PACSIN2: variants seen among roughly 807,000 people sequenced by gnomAD.
PACSIN2 encodes the protein protein kinase C and casein kinase substrate in neurons 2, also known as protein kinase C and casein kinase substrate in neurons protein 2.
In PACSIN2, 25 loss-of-function variants were observed where a neutral mutation model predicts 63.8. The ratio of observed to expected loss-of-function variants is 0.39; its 90% CI spans 0.29 to 0.55. The LOEUF is 0.55. Among genes scored for constraint, PACSIN2 ranks in the 20% least tolerant of loss-of-function variants. PACSIN2 has a pLI of 0.62. For synonymous variants in PACSIN2, 255 were observed against 256.2 expected, an observed-to-expected ratio of 1.00 and a Z score of 0.05; for missense variants, 518 against 646.9, an observed-to-expected ratio of 0.80 and a Z score of 2.16.
At position 42,949,440 on chromosome 22, in the gene PACSIN2, T is replaced by C. The variant is rs1023340002; in HGVS notation, c.-77-37283A>G. Reference sequence around the variant, plus strand: ...AACACAAAACAAAGACCTTCAACGTTAAGCCTCATACACACACGCGCGCGC... The same window carrying C: ...AACACAAAACAAAGACCTTCAACGTCAAGCCTCATACACACACGCGCGCGC... On this transcript the variant is annotated intron_variant, in intron 1 of 10. Transcript: ENST00000263246. Among the ~76,000 whole-genome samples, 5 of 150,980 alleles carry C rather than the reference T, an allele frequency of 3.3e-5. No homozygotes were observed. The South Asian group carries it at 1.0e-3, about 31-fold the overall frequency.
At position 42,871,297 on chromosome 22, in the gene PACSIN2, G is replaced by T; in HGVS notation, c.*60C>A. The T allele has an allele frequency of 3.0e-6, 3 of 1,009,476 alleles. No homozygotes were observed. The highest frequency in any genetic ancestry group is 4.8e-6 in the Non-Finnish European group (3 of 631,246). 62.5% of individuals were successfully genotyped at this position (1,009,476 alleles called of 1,614,324 possible). A position where few individuals can be genotyped will look rare whatever the true frequency, so the allele number is the denominator to read the frequency against. On this transcript the variant is annotated 3_prime_UTR_variant, in exon 11 of 11. Coordinates refer to ENST00000263246, the MANE Select transcript of PACSIN2 (RefSeq NM_001184970.3). The surrounding 1 kb of genome is among the most constrained non-coding windows in gnomAD (Gnocchi z 5.4). ...CAGGAAAAGGAGTGGATGCCCACGT[G>T]GCTGGCTGAGGCTCCTGGGCCCGCC... is the stretch of plus-strand genomic sequence containing the variant.
intron 1 of PACSIN2, among the ~76,000 whole-genome samples, chr22:42,941,933 C>T (rs996208877): frequency 4.6e-5 from 7 of 152,018 alleles, no homozygotes; most frequent in Non-Finnish European, 8.8e-5. Flanking sequence ...TGGGCCAACA[C>T]GCCCAGCTAA....
At chr22:42,978,807 C>CCCTGCCCCTTAACTGGTT (rs2146880481) in intron 1 of PACSIN2, among the ~76,000 whole-genome samples, 1 of 152,330 alleles carries the variant, frequency 6.6e-6, no homozygotes, top group South Asian at 2.1e-4. Context: ...AAAGGCTGGT[C>CCCTGCCCCTTAACTGGTT]CCTGCCCCTT....
chr22:42,967,283 A>T (rs1390578935), intron 1 of PACSIN2, among the ~76,000 whole-genome samples: 6 of 152,142 alleles, frequency 3.9e-5, no homozygotes. Flanking sequence ...CTCCTCCCTC[A>T]AAGGAGAGCA....
At chr22:42,927,369 C>T (rs1235822621) in intron 1 of PACSIN2, among the ~76,000 whole-genome samples, 3 of 152,060 alleles carry the variant, frequency 2.0e-5, no homozygotes, top group Non-Finnish European at 2.9e-5. Flanking sequence ...CTCAGCTTCC[C>T]GAGTAGCTGG....
intron 1 of PACSIN2, among the ~76,000 whole-genome samples, chr22:42,944,725 G>A (rs1933332924): frequency 6.6e-6 from 1 of 152,234 alleles, no homozygotes; most frequent in Admixed American, 6.5e-5. Context: ...ACTAGCAGGT[G>A]AGCTATTTTC....
chr22:42,888,830 T>C, intron 4 of PACSIN2, 32 bp from the exon 5 acceptor site: 1 of 1,610,992 alleles, frequency 6.2e-7, no homozygotes, highest in Non-Finnish European at 8.5e-7. Context: ...GAATGCCATG[T>C]CACTGGGAGT....
chr22:42,878,939 G>T (rs764939631), intron 8 of PACSIN2, 109 bp downstream of exon 8: 39 of 1,302,878 alleles, frequency 3.0e-5, no homozygotes, highest in Non-Finnish European at 4.1e-5. Flanking sequence ...GAGCTCAGGA[G>T]CCCAGGAACC....
At chr22:42,885,798 T>C (rs1192264742) in intron 5 of PACSIN2, among the ~76,000 whole-genome samples, 1 of 152,084 alleles carries the variant, frequency 6.6e-6, no homozygotes, top group Non-Finnish European at 1.5e-5. Flanking sequence ...CTCAGCCTCC[T>C]AAGATGGCTG....
intron 1 of PACSIN2, among the ~76,000 whole-genome samples, chr22:42,944,056 A>G (rs1482887492): frequency 6.6e-6 from 1 of 152,204 alleles, no homozygotes; most frequent in Non-Finnish European, 1.5e-5. Context: ...GCTAAGCCAG[A>G]CTGTGTTGGT....
chr22:42,910,105 T>G (rs1390682629), intron 2 of PACSIN2, among the ~76,000 whole-genome samples: 2 of 152,206 alleles, frequency 1.3e-5, no homozygotes, highest in African/African-American at 2.4e-5. Flanking sequence ...CAGAAGTAAG[T>G]GATCAGGTCA....
chr22:42,993,798 G>C (rs535974491), intron 1 of PACSIN2: 1 of 152,332 alleles, frequency 6.6e-6, no homozygotes, highest in South Asian at 2.1e-4. Flanking sequence ...GGCGGCACCA[G>C]GGACAGCCAT....
chr22:42,906,268 CATCAT>C (rs1931067359), intron 2 of PACSIN2, among the ~76,000 whole-genome samples: 1 of 152,240 alleles, frequency 6.6e-6, no homozygotes, highest in Non-Finnish European at 1.5e-5. Flanking sequence ...AAACCCATCA[CATCAT>C]GAGAAAAACC....
At chr22:42,879,467 G>A (rs1045340820) in intron 7 of PACSIN2, among the ~76,000 whole-genome samples, 5 of 152,184 alleles carry the variant, frequency 3.3e-5, no homozygotes, top group Non-Finnish European at 5.9e-5. Context: ...GAGGACCAGC[G>A]GGGGTGGCGA....
intron 1 of PACSIN2, among the ~76,000 whole-genome samples, chr22:42,999,446 G>A (rs759870135): frequency 2.0e-5 from 3 of 152,222 alleles, no homozygotes; most frequent in Admixed American, 6.5e-5. Context: ...AAGGCCAGTG[G>A]ATCACCTGAG....
At chr22:42,936,973 C>T (rs140532601) in intron 1 of PACSIN2, among the ~76,000 whole-genome samples, 9 of 152,018 alleles carry the variant, frequency 5.9e-5, no homozygotes, top group Admixed American at 2.6e-4. Flanking sequence ...ACACCCATTG[C>T]GAATGCATTA....
intron 1 of PACSIN2, among the ~76,000 whole-genome samples, chr22:43,000,314 G>A (rs1224353811): frequency 6.6e-6 from 1 of 152,126 alleles, no homozygotes; most frequent in Admixed American, 6.5e-5. Context: ...GCCTTTGTGG[G>A]GACTGGTAAT....
intron 1 of PACSIN2, among the ~76,000 whole-genome samples, chr22:42,924,044 TA>T (rs770285503): frequency 0.014 from 1,936 of 135,964 alleles, 7 homozygotes; most frequent in African/African-American, 0.021. Flanking sequence ...CTGGTCTCTT[TA>T]AAAAAAAAAA....
At chr22:42,879,653 G>A (rs984203777) in intron 7 of PACSIN2, among the ~76,000 whole-genome samples, 5 of 152,200 alleles carry the variant, frequency 3.3e-5, no homozygotes, top group Admixed American at 2.6e-4. Flanking sequence ...AAGATCCTTT[G>A]CGTCGATGCC....
Sources: allele counts gnomAD v4.1 joint callset (sites outside exome capture counted in the v4.1 genomes callset), GRCh38; gene constraint gnomAD v4.1.1; non-coding constraint Gnocchi (gnomAD v3.1); transcripts MANE v1.5; gene names NCBI Gene and HGNC (gene_info 2026-07-23, HGNC 2026-07-21).